ACAT2: variants seen among roughly 807,000 people sequenced by gnomAD.
ACAT2 encodes acetyl-CoA acetyltransferase, cytosolic.
In ACAT2, 26 loss-of-function variants were observed where a neutral mutation model predicts 37.1. The observed-to-expected ratio is 0.70, with a 90% confidence interval of 0.51 to 0.97. The LOEUF (loss-of-function observed/expected upper bound fraction) is 0.97. Ranked by LOEUF, ACAT2 falls within the 50% of genes least tolerant of loss-of-function variation. The pLI is 0.00. For missense variants in ACAT2, 468 were observed against 489.0 expected, an observed-to-expected ratio of 0.96 and a Z score of 0.40; for synonymous variants, 156 against 163.6, an observed-to-expected ratio of 0.95 and a Z score of 0.35.
chr6:159,762,579 C>T (rs1430762815), intron 1 of ACAT2: 3 of 1,360,090 alleles, frequency 2.2e-6, no homozygotes, highest in East Asian at 3.8e-5. Context: ...GACTTCGTCT[C>T]CTTCGTGCCG....
chr6:159,767,913 G>C (rs979308796), intron 3 of ACAT2, among the ~76,000 whole-genome samples: 12 of 152,186 alleles, frequency 7.9e-5, no homozygotes, highest in African/African-American at 2.9e-4. Flanking sequence ...GTTCACAACA[G>C]CCCCATATAG....
At chr6:159,768,859 C>T (rs1416177556) in intron 4 of ACAT2, among the ~76,000 whole-genome samples, 1 of 152,198 alleles carries the variant, frequency 6.6e-6, no homozygotes. Context: ...ATCAACCCCT[C>T]ATTTTACCAA....
chr6:159,770,629 T>G, intron 4 of ACAT2, among the ~76,000 whole-genome samples: 1 of 151,162 alleles, frequency 6.6e-6, no homozygotes, highest in Non-Finnish European at 1.5e-5. Context: ...CTGAGCAACA[T>G]AGTTAGACCT....
chr6:159,762,785 A>C (rs1017476316), intron 1 of ACAT2, 134 bp from the exon 2 acceptor site: 2 of 1,592,814 alleles, frequency 1.3e-6, no homozygotes, highest in Non-Finnish European at 1.7e-6. Context: ...CAGGTGTAGG[A>C]ACGTGTGGGA....
At chr6:159,769,879 T>A (rs1300153068) in intron 4 of ACAT2, among the ~76,000 whole-genome samples, 1 of 152,210 alleles carries the variant, frequency 6.6e-6, no homozygotes, top group Non-Finnish European at 1.5e-5. Flanking sequence ...CTTAAGTCTT[T>A]GATCAAATAC....
Position 159,763,066 on chromosome 6 carries a change from G to T in ACAT2, c.190+13G>T. On this transcript the variant is annotated intron_variant, in intron 2 of 8. Transcript: ENST00000367048. ...GTCTTGGCAGCAGGTAAGTCTCAGTGATTCCAGGAGAAGTCAGGCTTATTA... is the reference window on the plus strand; with the variant it reads ...GTCTTGGCAGCAGGTAAGTCTCAGTTATTCCAGGAGAAGTCAGGCTTATTA... The T allele has an allele frequency of 6.2e-7, 1 of 1,604,330 alleles. No homozygotes were observed. The highest frequency in any genetic ancestry group is 8.5e-7 in the Non-Finnish European group (1 of 1,175,756).
rs768850062 is a variant in ACAT2, at chr6:159,778,301, C to T, written c.1023+21C>T. Reference sequence around the variant, plus strand: ...AGAAGGTAAAGATGCACAAGTAACCCTGAGAGCTTACCAGTGAATTTCACA... The same window carrying T: ...AGAAGGTAAAGATGCACAAGTAACCTTGAGAGCTTACCAGTGAATTTCACA... On this transcript the variant is annotated intron_variant, in intron 8 of 8. Transcript: ENST00000367048. 20 of 1,513,964 alleles carry T rather than the reference C, an allele frequency of 1.3e-5. No homozygotes were observed. In the African/African-American group the frequency reaches 2.8e-4, roughly 21 times the overall value. The allele number at this position is 1,513,964 out of a possible 1,614,324, so 93.8% of individuals were successfully genotyped here.
intron 4 of ACAT2, among the ~76,000 whole-genome samples, chr6:159,771,900 C>T (rs982245391): frequency 2.2e-4 from 33 of 152,020 alleles, no homozygotes; most frequent in African/African-American, 7.2e-4. Context: ...GTCTGGTTAA[C>T]ATAGTGACAC....
intron 6 of ACAT2, 122 bp downstream of exon 6, chr6:159,776,394 G>A: frequency 1.6e-6 from 2 of 1,238,136 alleles, no homozygotes; most frequent in Non-Finnish European, 2.2e-6. Flanking sequence ...CACTCTGCCA[G>A]CCAGGTTCGT....
intron 3 of ACAT2, among the ~76,000 whole-genome samples, chr6:159,767,975 C>A (rs58827219): frequency 0.043 from 6,487 of 152,266 alleles, 229 homozygotes; most frequent in African/African-American, 0.081. Context: ...GGACCAGAGC[C>A]AGCATTCAAA....
chr6:159,777,596 GCT>G, intron 7 of ACAT2, 140 bp downstream of exon 7: 2 of 1,080,040 alleles, frequency 1.9e-6, no homozygotes, highest in African/African-American at 3.2e-5. Context: ...ATAAGGTCTT[GCT>G]CTGTTGTCCA....
chr6:159,766,961 C>A (rs1237694292), intron 2 of ACAT2, 44 bp from the exon 3 acceptor site: 6 of 1,607,192 alleles, frequency 3.7e-6, no homozygotes, highest in Non-Finnish European at 5.1e-6. Flanking sequence ...GACATTTTGT[C>A]TTTCTCCTTG....
Position 159,778,262 on chromosome 6 carries a change from T to C in ACAT2, c.1005T>C (p.Leu335=). ...TCTCTGCTGCAATAGTTAAAGAACT[T>C]GGATTAAACCCAGAGAAGGTAAAGA... ...AAVSAAIVKE[L]GLNPEKVNIE... is the part of the protein sequence containing the mutation. Residue 335 remains leucine, a synonymous_variant, in exon 8 of 9, where the codon CTT becomes CTC. Coordinates refer to ENST00000367048, the MANE Select transcript of ACAT2 (RefSeq NM_005891.3). The C allele has an allele frequency of 1.2e-6, 2 of 1,609,044 alleles. No homozygotes were observed. Among genetic ancestry groups the C allele is most frequent in the Non-Finnish European group, 1.7e-6 (2 of 1,178,408 alleles).
intron 6 of ACAT2, among the ~76,000 whole-genome samples, chr6:159,776,554 G>T (rs1431356464): frequency 6.6e-6 from 1 of 152,062 alleles, no homozygotes; most frequent in Non-Finnish European, 1.5e-5. Flanking sequence ...TCTTAAAACA[G>T]TTTAAGGAAA....
In ACAT2 at chr6:159,768,612, T is replaced by A. The variant is rs768956290; in HGVS notation, c.474T>A (p.Cys158Ter). The change falls in exon 4 of 9, where the codon TGT becomes TGA. Residue 158 changes from cysteine (C) to a stop codon, truncating the protein, a stop_gained. Transcript: ENST00000367048. LOFTEE classifies it high-confidence loss of function. ...GTCTTACAGATGCATTTCACAACTG[T>A]CATATGGGTATTACAGGTAAGGCAG... ...CDGLTDAFHN[C>*]HMGITAENVA... 1 of 1,609,916 alleles carries A rather than the reference T, an allele frequency of 6.2e-7. No homozygotes were observed. The highest frequency in any genetic ancestry group is 8.5e-7 in the Non-Finnish European group (1 of 1,176,222).
rs775253901 is a variant in ACAT2, at chr6:159,762,963, G to T, written c.100G>T (p.Gly34Cys). 1.6e-5 allele frequency: 26 copies of T among 1,614,106 alleles called. No homozygotes were observed. The South Asian group carries it at 2.6e-4, about 16-fold the overall frequency. ...ALAAVPVQDLGSTVIKEVLKR... is the reference protein window; with the variant it reads ...ALAAVPVQDLCSTVIKEVLKR... ...AGCTGCTGTTCCTGTCCAGGACCTGGGCTCCACTGTCATCAAAGAAGTCTT... is the reference window on the plus strand; with the variant it reads ...AGCTGCTGTTCCTGTCCAGGACCTGTGCTCCACTGTCATCAAAGAAGTCTT... Residue 34 changes from glycine (G) to cysteine (C), a missense_variant, in exon 2 of 9, where the codon GGC becomes TGC. Coordinates refer to ENST00000367048, the MANE Select transcript of ACAT2 (RefSeq NM_005891.3).
In ACAT2 at chr6:159,769,288, G is replaced by A. The variant is rs149124457; in HGVS notation, c.490+660G>A. Reference sequence around the variant, plus strand: ...TTAGGGATATGGGAAGCAATGAGAAGCTCAAGGCATCTTGACCACTTCTCG... The same window carrying A: ...TTAGGGATATGGGAAGCAATGAGAAACTCAAGGCATCTTGACCACTTCTCG... On this transcript the variant is annotated intron_variant, in intron 4 of 8. Transcript: ENST00000367048. 5.7e-3 allele frequency among the ~76,000 whole-genome samples: 867 copies of A among 152,310 alleles called. 7 individuals carry two copies. The highest frequency in any genetic ancestry group is 0.02 in the African/African-American group (827 of 41,546).
At chr6:159,762,164 C>T (rs373278187) in intron 1 of ACAT2, 22 bp downstream of exon 1, 46 of 1,605,496 alleles carry the variant, frequency 2.9e-5, no homozygotes, top group Non-Finnish European at 3.7e-5. Flanking sequence ...GCGGGAGCCG[C>T]GCAGAGTCCG....
intron 7 of ACAT2, 53 bp from the exon 8 acceptor site, chr6:159,778,117 C>CT: frequency 8.0e-7 from 1 of 1,245,502 alleles, no homozygotes; most frequent in East Asian, 2.3e-5. Flanking sequence ...AATGGTTTAA[C>CT]TTTAGCCTTT....
Sources: allele counts gnomAD v4.1 joint callset (sites outside exome capture counted in the v4.1 genomes callset), GRCh38; gene constraint gnomAD v4.1.1; transcripts MANE v1.5; gene names NCBI Gene and HGNC (gene_info 2026-07-23, HGNC 2026-07-21).